Variants in TBC1D5 observed in about 807,000 individuals in gnomAD.
TBC1D5 encodes TBC1 domain family, member 5.
Under a neutral mutation model 100.3 loss-of-function variants are expected in TBC1D5, and 75 were observed. The ratio of observed to expected loss-of-function variants is 0.75; its 90% CI spans 0.62 to 0.91. TBC1D5 has a LOEUF of 0.91. Among genes scored for constraint, TBC1D5 ranks in the 40% least tolerant of loss-of-function variants. The probability of loss-of-function intolerance (pLI) is 0.00; values close to 1 mark genes in which losing one functional copy is unlikely to be tolerated. For missense variants in TBC1D5, 910 were observed against 942.4 expected, an observed-to-expected ratio of 0.97 and a Z score of 0.45; for synonymous variants, 323 against 325.6, an observed-to-expected ratio of 0.99 and a Z score of 0.09.
chr3:17,551,167 C>G (rs2096469498), intron 2 of TBC1D5, among the ~76,000 whole-genome samples: 2 of 152,044 alleles, frequency 1.3e-5, no homozygotes, highest in South Asian at 4.1e-4. Context: ...TTGCAGACAA[C>G]AAGCTAATTT....
intron 2 of TBC1D5, among the ~76,000 whole-genome samples, chr3:17,604,722 CCAGTGCTCACTGCAACCT>C (rs1464228679): frequency 7.9e-5 from 12 of 152,054 alleles, no homozygotes; most frequent in African/African-American, 2.2e-4. Flanking sequence ...GCTGTGTTGC[CCAGTGCTCACTGCAACCT>C]CAGTGCTCAC....
At chr3:17,480,657 CCA>C (rs1363479203) in intron 3 of TBC1D5, among the ~76,000 whole-genome samples, 2 of 152,148 alleles carry the variant, frequency 1.3e-5, no homozygotes, top group Admixed American at 1.3e-4. Flanking sequence ...AAGGAGCTAC[CCA>C]CTGCAGCTCT....
At position 17,428,079 on chromosome 3, in the gene TBC1D5, C is replaced by G. The variant is rs535878270; in HGVS notation, c.167+371G>C. On this transcript the variant is annotated intron_variant, in intron 4 of 21. Coordinates refer to ENST00000253692, the Ensembl canonical transcript of TBC1D5. ...GCTCATGAGCGGTACTATATTTTAG[C>G]AGGAAAATTAAAAGGAAGCTTTAGT... Among the ~76,000 whole-genome samples the G allele has an allele frequency of 3.0e-3, 462 of 151,742 alleles. 4 individuals are homozygous for G. The highest frequency in any genetic ancestry group is 0.011 in the African/African-American group (439 of 41,486).
chr3:17,711,589 G>A (rs2074739001), intron 1 of TBC1D5, among the ~76,000 whole-genome samples: 1 of 152,002 alleles, frequency 6.6e-6, no homozygotes, highest in Admixed American at 6.6e-5. Flanking sequence ...TTGTTTTGAA[G>A]TTTCTCATTG....
intron 1 of TBC1D5, among the ~76,000 whole-genome samples, chr3:17,706,877 GTC>G (rs1274467099): frequency 2.0e-5 from 3 of 150,394 alleles, no homozygotes; most frequent in Non-Finnish European, 4.4e-5. Context: ...TTTAAAAAAA[GTC>G]ATTAATTTTC....
chr3:17,653,482 G>T (rs1306073681), intron 1 of TBC1D5, among the ~76,000 whole-genome samples: 1 of 151,904 alleles, frequency 6.6e-6, no homozygotes, highest in African/African-American at 2.4e-5. Context: ...CAAATTGAGG[G>T]ATATTCTAAA....
rs1186523023 is a variant in TBC1D5 at position 17,637,188 on chromosome 3, ATTTTTTTTTTTTTTT to A, written c.-100-13290_-100-13276del. On this transcript the variant is annotated intron_variant, in intron 1 of 21. Transcript: ENST00000253692. Reference sequence around the variant, plus strand: ...GGGTGTGTGCCACCATGCCCGACTAATTTTTTTTTTTTTTTTTTTTTTTTTTTTTTTATTTAGTAG... The same window carrying A: ...GGGTGTGTGCCACCATGCCCGACTAATTTTTTTTTTTTTTTTATTTAGTAG... Among the ~76,000 whole-genome samples, 181 of 95,488 alleles carry A rather than the reference ATTTTTTTTTTTTTTT, an allele frequency of 1.9e-3. 1 individual carries two copies. Among genetic ancestry groups the A allele is most frequent in the African/African-American group, 8.1e-3 (168 of 20,742 alleles). 62.6% of individuals were successfully genotyped at this position (95,488 alleles called of 152,430 possible). A position where few individuals can be genotyped will look rare whatever the true frequency, so the allele number is the denominator to read the frequency against.
intron 2 of TBC1D5, among the ~76,000 whole-genome samples, chr3:17,619,658 G>T (rs1351011744): frequency 1.3e-5 from 2 of 152,188 alleles, no homozygotes; most frequent in Non-Finnish European, 2.9e-5. Context: ...CAGGGAGCAG[G>T]AGAGAGGGAT....
chr3:17,276,132 GGT>G (rs1216293321), intron 15 of TBC1D5, among the ~76,000 whole-genome samples: 1 of 151,730 alleles, frequency 6.6e-6, no homozygotes, highest in Admixed American at 6.5e-5. Context: ...CCAGGATAAA[GGT>G]GGCAGCAGAG....
chr3:17,655,707 T>C (rs1049274407), intron 1 of TBC1D5, among the ~76,000 whole-genome samples: 5 of 152,082 alleles, frequency 3.3e-5, no homozygotes, highest in South Asian at 2.1e-4. Context: ...GAAATGCTCA[T>C]TGGAACAAAT....
intron 15 of TBC1D5, among the ~76,000 whole-genome samples, chr3:17,270,611 G>A (rs1181598131): frequency 6.6e-6 from 1 of 152,136 alleles, no homozygotes; most frequent in Non-Finnish European, 1.5e-5. Flanking sequence ...GCTGTGCAGA[G>A]CCCTTTAGTT....
intron 3 of TBC1D5, among the ~76,000 whole-genome samples, chr3:17,503,136 T>G (rs2095804880): frequency 6.7e-6 from 1 of 149,674 alleles, no homozygotes; most frequent in Non-Finnish European, 1.5e-5. Context: ...ATAAGGGAGC[T>G]TCATCCTAGT....
intron 3 of TBC1D5, among the ~76,000 whole-genome samples, chr3:17,464,996 G>A (rs1428142185): frequency 6.6e-6 from 1 of 151,928 alleles, no homozygotes; most frequent in Non-Finnish European, 1.5e-5. Flanking sequence ...CCACAGCAAT[G>A]ACCACTTCTT....
At chr3:17,360,278 T>C (rs910069072) in intron 13 of TBC1D5, among the ~76,000 whole-genome samples, 2 of 152,028 alleles carry the variant, frequency 1.3e-5, no homozygotes, top group African/African-American at 2.4e-5. Context: ...ATATTCGTTT[T>C]TCCTGTATAC....
intron 2 of TBC1D5, among the ~76,000 whole-genome samples, chr3:17,598,389 T>G (rs1301060306): frequency 1.3e-5 from 2 of 152,216 alleles, no homozygotes; most frequent in East Asian, 3.8e-4. Context: ...TTATTTTGGA[T>G]TAAATGGGCT....
chr3:17,500,765 A>G (rs951103680), intron 3 of TBC1D5, among the ~76,000 whole-genome samples: 2 of 149,404 alleles, frequency 1.3e-5, no homozygotes, highest in African/African-American at 5.1e-5. Flanking sequence ...AGTTCTAATC[A>G]TGGGGACTTT....
chr3:17,255,840 C>A (rs2077599408), intron 16 of TBC1D5, among the ~76,000 whole-genome samples: 1 of 151,976 alleles, frequency 6.6e-6, no homozygotes, highest in Non-Finnish European at 1.5e-5. Context: ...AGATTGAGAC[C>A]ATCTTGGCTA....
chr3:17,725,976 C>G (rs150485301), intron 1 of TBC1D5, among the ~76,000 whole-genome samples: 1,611 of 152,298 alleles, frequency 0.011, 34 homozygotes, highest in African/African-American at 0.038. Context: ...ATCTGGTTTT[C>G]TGTTCCTGCA....
At chr3:17,672,665 T>C (rs1339336828) in intron 1 of TBC1D5, 1 of 152,194 alleles carries the variant, frequency 6.6e-6, no homozygotes, top group African/African-American at 2.4e-5. Context: ...GACAGTGTTG[T>C]CTGCAGGCTT....
Sources: gnomAD v4.1 joint callset for allele counts (sites outside exome capture counted in the v4.1 genomes callset) on GRCh38, gnomAD v4.1.1 for gene constraint, MANE v1.5 for transcripts, NCBI Gene and HGNC (gene_info 2026-07-23, HGNC 2026-07-21) for gene names.